The following GVQW3 variants were observed in gnomAD, a reference collection of about 807,000 sequenced individuals.
The protein encoded by GVQW3 is GVQW motif containing 3.
In GVQW3, 7 loss-of-function variants were observed where a neutral mutation model predicts 12.5. The observed-to-expected ratio is 0.56, with a 90% CI of 0.32 to 1.05. GVQW3 has a LOEUF of 1.05. Among genes scored for constraint, GVQW3 ranks in the 50% least tolerant of loss-of-function variants. GVQW3 has a pLI of 0.04. For missense variants in GVQW3, 188 were observed against 190.8 expected (o/e 0.99, Z 0.09); for synonymous variants, 71 against 67.2 (o/e 1.06, Z -0.28).
intron 1 of GVQW3, among the ~76,000 whole-genome samples, chr11:76,396,595 A>C (rs1443746974): frequency 6.6e-6 from 1 of 152,160 alleles, no homozygotes; most frequent in East Asian, 1.9e-4. Flanking sequence ...GATTACAGGC[A>C]TGAGCCACCA....
chr11:76,402,888 T>G (rs1565247579), intron 1 of GVQW3, among the ~76,000 whole-genome samples: 2 of 151,608 alleles, frequency 1.3e-5, no homozygotes, highest in Non-Finnish European at 2.9e-5. Flanking sequence ...TTTGTAGAGA[T>G]AGAATTTTGT....
chr11:76,390,651 G>A (rs944362908), intron 1 of GVQW3, among the ~76,000 whole-genome samples: 13 of 151,564 alleles, frequency 8.6e-5, no homozygotes, highest in African/African-American at 2.4e-4. Context: ...GTGAAACCCC[G>A]TCTCTACTAA....
intron 1 of GVQW3, among the ~76,000 whole-genome samples, chr11:76,391,140 C>T (rs527922874): frequency 3.3e-5 from 5 of 152,180 alleles, no homozygotes; most frequent in Non-Finnish European, 7.3e-5. Flanking sequence ...CAGTTAAGGC[C>T]TAAACCTGTT....
downstream of GVQW3, chr11:76,411,366 G>A (rs947793273): frequency 6.6e-6 from 1 of 152,422 alleles, no homozygotes; most frequent in African/African-American, 2.4e-5. Flanking sequence ...TGGAAACTGT[G>A]GGCCAGGCTC....
At chr11:76,390,421 C>T (rs1946880175) in intron 1 of GVQW3, among the ~76,000 whole-genome samples, 1 of 152,174 alleles carries the variant, frequency 6.6e-6, no homozygotes. Flanking sequence ...TTGTTCATTT[C>T]AACAATATTT....
chr11:76,411,841 C>G (rs901693481), downstream of GVQW3: 2 of 152,162 alleles, frequency 1.3e-5, no homozygotes, highest in Non-Finnish European at 2.9e-5. Flanking sequence ...TCCATGAGCC[C>G]TTCTGTGACT....
chr11:76,410,991 C>T (rs1590828692), downstream of GVQW3: 1 of 152,344 alleles, frequency 6.6e-6, no homozygotes, highest in South Asian at 2.1e-4. Flanking sequence ...TACACTGGCA[C>T]CAATTAAAGA....
At chr11:76,387,382 A>C (rs762094434) in intron 1 of GVQW3, among the ~76,000 whole-genome samples, 6 of 151,956 alleles carry the variant, frequency 3.9e-5, no homozygotes, top group Non-Finnish European at 7.4e-5. Context: ...GTGATCCAAG[A>C]TCTTGCCACT....
chr11:76,399,460 G>A (rs758883729), intron 1 of GVQW3, among the ~76,000 whole-genome samples: 1 of 152,020 alleles, frequency 6.6e-6, no homozygotes, highest in African/African-American at 2.4e-5. Context: ...TGCTGTCTTC[G>A]TATGTTTCTC....
At chr11:76,403,012 A>G (rs1476081663) in intron 1 of GVQW3, among the ~76,000 whole-genome samples, 3 of 152,102 alleles carry the variant, frequency 2.0e-5, no homozygotes, top group Non-Finnish European at 4.4e-5. Context: ...CAGTGGCGCA[A>G]TCTCGGCTCA....
At chr11:76,390,631 C>T (rs902974719) in intron 1 of GVQW3, among the ~76,000 whole-genome samples, 22 of 151,954 alleles carry the variant, frequency 1.4e-4, no homozygotes, top group Non-Finnish European at 3.1e-4. Flanking sequence ...GTCAGGAGAT[C>T]GAGACCACGG....
At chr11:76,393,894 A>G (rs1399740183) in intron 1 of GVQW3, among the ~76,000 whole-genome samples, 2 of 151,496 alleles carry the variant, frequency 1.3e-5, no homozygotes, top group African/African-American at 4.9e-5. Context: ...CTTAGTTATT[A>G]TTATTATTAT....
At chr11:76,383,781 A>ACCGC (rs879321977) in intron 1 of GVQW3, 1 of 150,816 alleles carries the variant, frequency 6.6e-6, no homozygotes, top group Non-Finnish European at 1.5e-5. Flanking sequence ...CTGTCCCAAA[A>ACCGC]AAAAAAAAAA....
At chr11:76,410,093 C>T, downstream of GVQW3, among the ~76,000 whole-genome samples, 1 of 151,972 alleles carries the variant, frequency 6.6e-6, no homozygotes, top group African/African-American at 2.4e-5. Flanking sequence ...CCCATCTCTA[C>T]AAAAAAATAA....
intron 1 of GVQW3, chr11:76,394,906 T>G (rs1946925935): frequency 6.6e-6 from 1 of 152,220 alleles, no homozygotes; most frequent in Admixed American, 6.5e-5. Context: ...AGATGATATC[T>G]TATTGTAGCA....
chr11:76,398,198 T>C (rs1293070758), intron 1 of GVQW3, among the ~76,000 whole-genome samples: 1 of 152,066 alleles, frequency 6.6e-6, no homozygotes, highest in Non-Finnish European at 1.5e-5. Context: ...TCAAAATTCC[T>C]GGAAGTTTTA....
At chr11:76,410,407 C>A (rs1373855156), downstream of GVQW3, among the ~76,000 whole-genome samples, 3 of 148,154 alleles carry the variant, frequency 2.0e-5, no homozygotes, top group African/African-American at 7.5e-5. Context: ...CCTATATAAT[C>A]ATTTTCCTGG....
chr11:76,396,488 A>AT (rs1565245172), intron 1 of GVQW3, among the ~76,000 whole-genome samples: 1 of 151,722 alleles, frequency 6.6e-6, no homozygotes, highest in Non-Finnish European at 1.5e-5. Context: ...CTAATTTTGT[A>AT]TTTTTTTGTA....
intron 1 of GVQW3, among the ~76,000 whole-genome samples, chr11:76,402,955 TATTTA>T (rs1205099465): frequency 6.9e-6 from 1 of 145,654 alleles, no homozygotes; most frequent in Non-Finnish European, 1.5e-5. Context: ...TTTATTTATT[TATTTA>T]TTTTTGAGAC....
Sources: gnomAD v4.1 joint callset for allele counts (sites outside exome capture counted in the v4.1 genomes callset) on GRCh38, gnomAD v4.1.1 for gene constraint, MANE v1.5 for transcripts, NCBI Gene and HGNC (gene_info 2026-07-23, HGNC 2026-07-21) for gene names.